PCDHGA6: variants seen among roughly 807,000 people sequenced by gnomAD.
PCDHGA6 encodes the protein protocadherin gamma-A6.
A neutral mutation model predicts 60.6 loss-of-function variants in PCDHGA6; 41 were observed. The ratio of observed to expected loss-of-function variants is 0.68; its 90% CI spans 0.53 to 0.88. The LOEUF is 0.88. Ranked by LOEUF, PCDHGA6 falls within the 40% of genes least tolerant of loss-of-function variation. The pLI is 0.00. For synonymous variants in PCDHGA6, 594 were observed against 524.4 expected (o/e 1.13, Z -1.81); for missense variants, 1,312 against 1,203.0 (o/e 1.09, Z -1.34).
chr5:141,412,952 T>C, intron 1 of PCDHGA6: 1 of 482,218 alleles, frequency 2.1e-6, no homozygotes, highest in Non-Finnish European at 3.6e-6. Context: ...AGCGCCGCTG[T>C]TCACCTACTA....
intron 1 of PCDHGA6, among the ~76,000 whole-genome samples, chr5:141,464,549 C>T (rs2099086404): frequency 6.6e-6 from 1 of 152,014 alleles, no homozygotes; most frequent in Non-Finnish European, 1.5e-5. Flanking sequence ...TAGCTATTCC[C>T]CATCTTGCAT....
chr5:141,500,184 T>TTTTTTTTATTTA (rs1554186429), intron 2 of PCDHGA6, among the ~76,000 whole-genome samples: 16 of 135,886 alleles, frequency 1.2e-4, no homozygotes, highest in African/African-American at 4.3e-4. Context: ...TCATTTTTAT[T>TTTTTTTTATTTA]TTTATTTATT....
At position 141,477,498 on chromosome 5, in the gene PCDHGA6, C is replaced by T. The variant is rs754212608; in HGVS notation, c.2425-17309C>T. ...AACCCTCCACAATCTTCTCAATCTT[C>T]CTACGACGTTTACATTGAAGAAAAC... On this transcript the variant is annotated intron_variant, in intron 1 of 3. Coordinates refer to ENST00000517434, the MANE Select transcript of PCDHGA6 (RefSeq NM_018919.3). The surrounding 1 kb of genome is among the most constrained non-coding windows in gnomAD (Gnocchi z 4.9). 3.7e-6 allele frequency: 6 copies of T among 1,614,038 alleles called. No individual in the cohort carries two copies. The highest frequency in any genetic ancestry group is 5.1e-6 in the Non-Finnish European group (6 of 1,180,038).
chr5:141,397,949 A>AGCCCCAGCTCAGAC (rs1391996511), intron 1 of PCDHGA6: 1 of 916,660 alleles, frequency 1.1e-6, no homozygotes, highest in Non-Finnish European at 1.6e-6. Context: ...TTTCCAGGGC[A>AGCCCCAGCTCAGAC]GCCCCAGCTC....
chr5:141,378,619 T>G (rs190214323), intron 1 of PCDHGA6: 1 of 152,306 alleles, frequency 6.6e-6, no homozygotes, highest in African/African-American at 2.4e-5. Context: ...TAAAAATAGA[T>G]GACTGACTGG....
Position 141,487,933 on chromosome 5 carries a change from A to G in PCDHGA6, c.2425-6874A>G. ...CACAGGAGGCTACAGTGCACAGGGT[A>G]CAGTGCACCAGGCAGTCACTTGGAC... is the stretch of plus-strand genomic sequence containing the variant. On this transcript the variant is annotated intron_variant, in intron 1 of 3. Coordinates refer to ENST00000517434, the MANE Select transcript of PCDHGA6 (RefSeq NM_018919.3). This position sits in a 1 kb window ranked among gnomAD's most constrained non-coding sequence, Gnocchi z 5.0. 1 of 612,006 alleles carries G rather than the reference A, an allele frequency of 1.6e-6. No homozygotes were observed. Among genetic ancestry groups the G allele is most frequent in the South Asian group, 2.0e-5 (1 of 49,074 alleles). The allele number at this position is 612,006 out of a possible 1,614,324, so 37.9% of individuals were successfully genotyped here. A position where few individuals can be genotyped will look rare whatever the true frequency, so the allele number is the denominator to read the frequency against.
At chr5:141,415,611 A>G in intron 1 of PCDHGA6, 1 of 1,613,152 alleles carries the variant, frequency 6.2e-7, no homozygotes, top group Non-Finnish European at 8.5e-7. Context: ...CATTGGTTCC[A>G]GTGAGTTTTA....
rs70988802 is a variant in PCDHGA6 at position 141,450,006 on chromosome 5, C to CTA, written c.2425-44800_2425-44799insAT. ...CACATTGCATTTAGTTGCCATGTCT[C>CTA]TTTTTTTTTTTTTTTTTTGAGACAG... On this transcript the variant is annotated intron_variant, in intron 1 of 3. Coordinates refer to ENST00000517434, the MANE Select transcript of PCDHGA6 (RefSeq NM_018919.3). Among the ~76,000 whole-genome samples the CTA allele has an allele frequency of 6.0e-5, 8 of 132,986 alleles. 1 individual carries two copies. The highest frequency in any genetic ancestry group is 9.5e-5 in the Non-Finnish European group (6 of 62,926). The allele number at this position is 132,986 out of a possible 152,430, so 87.2% of individuals were successfully genotyped here. A position where few individuals can be genotyped will look rare whatever the true frequency, so the allele number is the denominator to read the frequency against.
chr5:141,389,200 A>C, intron 1 of PCDHGA6: 1 of 1,614,034 alleles, frequency 6.2e-7, no homozygotes, highest in Non-Finnish European at 8.5e-7. Context: ...ATCACCCTGC[A>C]CATTGGTGAT....
At chr5:141,422,038 G>A (rs949164524) in intron 1 of PCDHGA6, 9 of 1,611,746 alleles carry the variant, frequency 5.6e-6, no homozygotes, top group Non-Finnish European at 7.6e-6. Context: ...AACGGATCCA[G>A]ACGAGGGAAT....
rs143138320 is a variant in PCDHGA6 at position 141,489,458 on chromosome 5, G to C, written c.2425-5349G>C. The stretch of plus-strand genomic sequence containing the variant: ...CAATTGGGCTCTGAGGAGAATGGGC[G>C]CTATTTTTCCCTGAGCTTGATGAGT... On this transcript the variant is annotated intron_variant, in intron 1 of 3. Coordinates refer to ENST00000517434, the MANE Select transcript of PCDHGA6 (RefSeq NM_018919.3). The surrounding 1 kb of genome is among the most constrained non-coding windows in gnomAD (Gnocchi z 4.5). 3.7e-6 allele frequency: 6 copies of C among 1,613,924 alleles called. No individual in the cohort carries two copies. The highest frequency in any genetic ancestry group is 5.1e-6 in the Non-Finnish European group (6 of 1,180,000).
chr5:141,375,934 C>T lies in PCDHGA6; in HGVS notation c.1851C>T (p.Phe617=). The T allele has an allele frequency of 1.9e-6, 3 of 1,613,738 alleles. No homozygotes were observed. The highest frequency in any genetic ancestry group is 2.5e-6 in the Non-Finnish European group (3 of 1,179,990). ...RLLKASEPGL[F]SVGLHTGEVR... ...TCAAGGCCAGCGAGCCAGGACTTTT[C>T]TCAGTGGGCCTGCACACGGGCGAGG... Residue 617 remains phenylalanine (F), a synonymous_variant, in exon 1 of 4, where the codon TTC becomes TTT. Coordinates refer to ENST00000517434, the MANE Select transcript of PCDHGA6 (RefSeq NM_018919.3).
At chr5:141,427,733 C>T (rs2097062553) in intron 1 of PCDHGA6, 2 of 1,200,562 alleles carry the variant, frequency 1.7e-6, no homozygotes, top group East Asian at 4.7e-5. Context: ...GGCTGAATGG[C>T]CAAGTCTCCT....
At chr5:141,483,854 T>C (rs2154580004) in intron 1 of PCDHGA6, among the ~76,000 whole-genome samples, 1 of 152,236 alleles carries the variant, frequency 6.6e-6, no homozygotes, top group South Asian at 2.1e-4. Flanking sequence ...ATTAAGAAAT[T>C]TCATGTCCAG....
Position 141,486,397 on chromosome 5 carries a change from G to A in PCDHGA6, c.2425-8410G>A, listed in dbSNP as rs778989869. The A allele has an allele frequency of 5.0e-6, 8 of 1,614,046 alleles. No individual in the cohort carries two copies. The South Asian group carries it at 7.7e-5, about 16-fold the overall frequency. ...CCTTCAGGAACCAGTTCTCCCTGGT[G>A]ACTGCTGGACCCTTGGATCGAGAGG... On this transcript the variant is annotated intron_variant, in intron 1 of 3. Transcript: ENST00000517434. The surrounding 1 kb of genome is among the most constrained non-coding windows in gnomAD (Gnocchi z 5.0).
chr5:141,400,384 G>A (rs1335444355), intron 1 of PCDHGA6: 2 of 1,614,054 alleles, frequency 1.2e-6, no homozygotes, highest in South Asian at 1.1e-5. Flanking sequence ...CCTATGTGTT[G>A]CACATACAGG....
In PCDHGA6 at chr5:141,431,985, T is replaced by A. The variant is rs1354693325; in HGVS notation, c.2424+55478T>A. 1 of 1,614,202 alleles carries A rather than the reference T, an allele frequency of 6.2e-7. No homozygotes were observed. The highest frequency in any genetic ancestry group is 1.7e-5 in the Admixed American group (1 of 60,030). ...TACTATAGTTTAGTCACAGACATAG[T>A]CTTGGATAGGGAACAGGTTCCTAGC... On this transcript the variant is annotated intron_variant, in intron 1 of 3. Coordinates refer to ENST00000517434, the MANE Select transcript of PCDHGA6 (RefSeq NM_018919.3). This position sits in a 1 kb window ranked among gnomAD's most constrained non-coding sequence, Gnocchi z 4.8.
intron 1 of PCDHGA6, chr5:141,478,450 AGCCAGTCCACTGGCCAGCC>A (rs1562070520): frequency 6.2e-7 from 1 of 1,613,572 alleles, no homozygotes. Context: ...AACCTGGTGC[AGCCAGTCCACTGGCCAGCC>A]GCCAGAACAC....
intron 2 of PCDHGA6, among the ~76,000 whole-genome samples, chr5:141,501,476 A>T (rs1274017343): frequency 3.3e-5 from 5 of 152,044 alleles, no homozygotes; most frequent in Admixed American, 3.3e-4. Context: ...ATCCTGGAAG[A>T]GTCCCTCATA....
Sources: gnomAD v4.1 joint callset for allele counts (sites outside exome capture counted in the v4.1 genomes callset) on GRCh38, gnomAD v4.1.1 for gene constraint, Gnocchi (gnomAD v3.1) non-coding constraint, MANE v1.5 for transcripts, NCBI Gene and HGNC (gene_info 2026-07-23, HGNC 2026-07-21) for gene names.